The following GRM5 variants were observed in gnomAD, a reference collection of about 807,000 sequenced individuals.
The protein encoded by GRM5 is glutamate metabotropic receptor 5, also known as metabotropic glutamate receptor 5.
A neutral mutation model predicts 83.1 loss-of-function variants in GRM5; 19 were observed. The ratio of observed to expected loss-of-function variants is 0.23; its 90% CI spans 0.16 to 0.34. GRM5 has a LOEUF of 0.34. Among genes scored for constraint, GRM5 ranks in the 10% least tolerant of loss-of-function variants. The probability of loss-of-function intolerance (pLI) is 1.00; values close to 1 mark genes in which losing one functional copy is unlikely to be tolerated. For missense variants in GRM5, 1,160 were observed against 1,588.3 expected (o/e 0.73, Z 4.58); for synonymous variants, 675 against 633.6 (o/e 1.07, Z -0.98).
intron 4 of GRM5, among the ~76,000 whole-genome samples, chr11:88,619,815 AAAGG>A (rs929297603): frequency 6.6e-6 from 1 of 152,166 alleles, no homozygotes; most frequent in African/African-American, 2.4e-5. Context: ...AAGGATAGTA[AAAGG>A]AAGGAAGATA....
intron 4 of GRM5, among the ~76,000 whole-genome samples, chr11:88,626,034 C>G (rs535119381): frequency 6.6e-6 from 1 of 151,760 alleles, no homozygotes; most frequent in African/African-American, 2.4e-5. Context: ...TTTTTTTTTA[C>G]CAGATTACCT....
chr11:88,941,389 AAG>A (rs1938085344), intron 2 of GRM5, among the ~76,000 whole-genome samples: 1 of 41,428 alleles, frequency 2.4e-5, no homozygotes, highest in South Asian at 1.8e-3. Flanking sequence ...GAGAGAGAGA[AAG>A]AGAAGAGGAG....
intron 2 of GRM5, among the ~76,000 whole-genome samples, chr11:88,912,909 C>G (rs1195291543): frequency 6.6e-6 from 1 of 152,126 alleles, no homozygotes; most frequent in Non-Finnish European, 1.5e-5. Context: ...TGACATGTTC[C>G]CAGGTCTACA....
At chr11:89,036,615 G>T (rs578046993) in intron 2 of GRM5, among the ~76,000 whole-genome samples, 1 of 148,942 alleles carries the variant, frequency 6.7e-6, no homozygotes, top group East Asian at 2.0e-4. Context: ...GAAATTAAAT[G>T]TACTTGTCCA....
chr11:88,624,124 G>C (rs747222176), intron 4 of GRM5, among the ~76,000 whole-genome samples: 1 of 152,150 alleles, frequency 6.6e-6, no homozygotes, highest in Admixed American at 6.6e-5. Flanking sequence ...TAGTCCAAGA[G>C]AATTACATTA....
intron 2 of GRM5, among the ~76,000 whole-genome samples, chr11:88,876,004 G>T (rs567932276): frequency 6.6e-6 from 1 of 151,992 alleles, no homozygotes; most frequent in African/African-American, 2.4e-5. Context: ...GTCACCAGCC[G>T]CATTATCTCT....
At chr11:88,720,821 C>CGTGTGTGTGTGTGTGTGTGT (rs869078157) in intron 3 of GRM5, among the ~76,000 whole-genome samples, 8 of 137,266 alleles carry the variant, frequency 5.8e-5, no homozygotes, top group African/African-American at 2.2e-4. Flanking sequence ...TGTGTGTGTG[C>CGTGTGTGTGTGTGTGTGTGT]GTGTGTGTGT....
intron 3 of GRM5, among the ~76,000 whole-genome samples, chr11:88,816,801 G>T (rs1382608271): frequency 6.8e-6 from 1 of 146,484 alleles, no homozygotes; most frequent in Non-Finnish European, 1.5e-5. Flanking sequence ...AGTTTTTAGA[G>T]AAGTTATATT....
intron 2 of GRM5, among the ~76,000 whole-genome samples, chr11:89,002,982 A>G (rs1940427860): frequency 7.8e-6 from 1 of 128,636 alleles, no homozygotes; most frequent in African/African-American, 2.5e-5. Context: ...CCATCTTTAC[A>G]TTTCCTTTAT....
At chr11:88,530,552 AG>A (rs1444398648) in intron 8 of GRM5, among the ~76,000 whole-genome samples, 1 of 152,072 alleles carries the variant, frequency 6.6e-6, no homozygotes, top group Non-Finnish European at 1.5e-5. Context: ...AAAGATGTGC[AG>A]GTAAGAATAA....
At chr11:88,927,172 C>A (rs188034948) in intron 2 of GRM5, among the ~76,000 whole-genome samples, 426 of 152,114 alleles carry the variant, frequency 2.8e-3, no homozygotes, top group Non-Finnish European at 5.2e-3. Flanking sequence ...AAAGGTGAAC[C>A]AAAAAGAAGG....
chr11:88,509,161 T>G lies in GRM5; in HGVS notation c.3070A>C (p.Thr1024Pro), dbSNP rs1393329222. The G allele has an allele frequency of 1.3e-6, 2 of 1,538,566 alleles. No individual in the cohort carries two copies. The highest frequency in any genetic ancestry group is 1.7e-6 in the Non-Finnish European group (2 of 1,144,038). ...ARPRSPSPIS[T>P]LSHRAGSASR... ...GCCGAGCCCGCGCGGTGGCTCAGCG[T>G]GCTGATGGGCGACGGTGAGCGCGGC... The change falls in exon 10 of 10, where the codon ACG (threonine) becomes CCG (proline). Residue 1024 changes from threonine to proline, a missense_variant. Coordinates refer to ENST00000305447, the MANE Select transcript of GRM5 (RefSeq NM_001143831.3).
chr11:88,862,345 T>A (rs1275209917), intron 2 of GRM5, among the ~76,000 whole-genome samples: 3 of 152,150 alleles, frequency 2.0e-5, no homozygotes, highest in African/African-American at 7.2e-5. Flanking sequence ...ATATATATAT[T>A]TTTTCTTTTT....
At chr11:88,552,867 T>A (rs1256387743) in intron 8 of GRM5, among the ~76,000 whole-genome samples, 1 of 152,110 alleles carries the variant, frequency 6.6e-6, no homozygotes, top group East Asian at 1.9e-4. Flanking sequence ...GTACAGTGAA[T>A]GCAATTAAAC....
chr11:88,521,165 C>G (rs1941675675), intron 9 of GRM5, among the ~76,000 whole-genome samples: 1 of 152,070 alleles, frequency 6.6e-6, no homozygotes, highest in African/African-American at 2.4e-5. Flanking sequence ...CGCCTGTAAT[C>G]CCAGCTTTTT....
chr11:88,550,509 A>G (rs1376907984), intron 8 of GRM5, among the ~76,000 whole-genome samples: 1 of 152,192 alleles, frequency 6.6e-6, no homozygotes, highest in Non-Finnish European at 1.5e-5. Flanking sequence ...TTATGCAGAC[A>G]TTTCAGCTAA....
chr11:88,754,902 A>C (rs1428017585), intron 3 of GRM5, among the ~76,000 whole-genome samples: 1 of 152,054 alleles, frequency 6.6e-6, no homozygotes, highest in Non-Finnish European at 1.5e-5. Flanking sequence ...AGTGCTCCTA[A>C]AGACTTCAGC....
At chr11:88,848,340 G>A (rs1396080138) in intron 3 of GRM5, among the ~76,000 whole-genome samples, 1 of 152,190 alleles carries the variant, frequency 6.6e-6, no homozygotes, top group African/African-American at 2.4e-5. Context: ...AGATCGGACA[G>A]AAAAGAATTG....
intron 4 of GRM5, among the ~76,000 whole-genome samples, chr11:88,608,680 G>A (rs1304132815): frequency 6.6e-6 from 1 of 151,556 alleles, no homozygotes; most frequent in Non-Finnish European, 1.5e-5. Flanking sequence ...CACCATGCCC[G>A]GGTACATTTT....
Sources: gnomAD v4.1 joint callset for allele counts (sites outside exome capture counted in the v4.1 genomes callset) on GRCh38, gnomAD v4.1.1 for gene constraint, MANE v1.5 for transcripts, NCBI Gene and HGNC (gene_info 2026-07-23, HGNC 2026-07-21) for gene names.